The following LMO7 variants were observed in gnomAD, a reference collection of about 807,000 sequenced individuals.
LMO7 encodes LIM domain 7.
Under a neutral mutation model 206.5 loss-of-function variants are expected in LMO7, and 120 were observed. The ratio of observed to expected loss-of-function variants is 0.58; its 90% confidence interval spans 0.50 to 0.68. LMO7 has a LOEUF of 0.68. Among genes scored for constraint, LMO7 ranks in the 30% least tolerant of loss-of-function variants. The pLI, the probability that LMO7 is intolerant of heterozygous loss-of-function variation, is 0.00. For missense variants in LMO7, 1,959 were observed against 1,957.9 expected (o/e 1.00, Z -0.01); for synonymous variants, 706 against 681.5 (o/e 1.04, Z -0.56).
intron 1 of LMO7, among the ~76,000 whole-genome samples, chr13:75,657,586 A>C (rs1336047325): frequency 6.6e-6 from 1 of 152,186 alleles, no homozygotes; most frequent in African/African-American, 2.4e-5. Context: ...ATATGAACCC[A>C]CCCAGTGAAT....
chr13:75,769,289 G>T (rs549047303), intron 4 of LMO7, among the ~76,000 whole-genome samples: 1 of 152,024 alleles, frequency 6.6e-6, no homozygotes, highest in East Asian at 1.9e-4. Context: ...GGGTGGCATT[G>T]GTTGTTGGTG....
In LMO7 at chr13:75,804,739, T is replaced by C. The variant is rs1299542538; in HGVS notation, c.914+198T>C. 1.5e-5 allele frequency: 15 copies of C among 1,021,254 alleles called. No homozygotes were observed. In the South Asian group the frequency reaches 1.6e-4, roughly 11 times the overall value. The allele number at this position is 1,021,254 out of a possible 1,614,324, so 63.3% of individuals were successfully genotyped here. On this transcript the variant is annotated intron_variant, in intron 8 of 30. Transcript: ENST00000377534. ...TCTTCTGTTTTAGAATGTCAGCATA[T>C]GATTTGCTAGGTCTTTTTTTAGATG...
chr13:75,751,149 C>CTTTTTTT lies in LMO7; in HGVS notation c.211-9760_211-9754dup, dbSNP rs57976279. 1.1e-3 allele frequency among the ~76,000 whole-genome samples: 64 copies of CTTTTTTT among 60,424 alleles called. 5 individuals carry two copies. The highest frequency in any genetic ancestry group is 1.2e-3 in the African/African-American group (18 of 14,848). The allele number at this position is 60,424 out of a possible 152,430, so 39.6% of individuals were successfully genotyped here. Reference sequence around the variant, plus strand: ...CATGTACTCAGCTCTTTTTTCAGCTCTTTTTTTTTTTTTTTTTTTTTTTTT... The same window carrying CTTTTTTT: ...CATGTACTCAGCTCTTTTTTCAGCTCTTTTTTTTTTTTTTTTTTTTTTTTTTTTTTTT... On this transcript the variant is annotated intron_variant, in intron 3 of 30. Transcript: ENST00000377534.
At chr13:75,629,117 C>T (rs2034585448) in intron 2 of LMO7, among the ~76,000 whole-genome samples, 1 of 152,172 alleles carries the variant, frequency 6.6e-6, no homozygotes, top group Non-Finnish European at 1.5e-5. Flanking sequence ...ATGCACAGGA[C>T]AATCCTCCTA....
chr13:75,732,075 A>C (rs1296200327), intron 3 of LMO7, among the ~76,000 whole-genome samples: 3 of 150,840 alleles, frequency 2.0e-5, no homozygotes, highest in Non-Finnish European at 4.4e-5. Flanking sequence ...CTTCATTTCA[A>C]CTTTAGTGAA....
intron 4 of LMO7, among the ~76,000 whole-genome samples, chr13:75,782,162 C>T (rs1200400719): frequency 1.3e-5 from 2 of 152,038 alleles, no homozygotes; most frequent in African/African-American, 4.8e-5. Flanking sequence ...TTGTCTTAAA[C>T]TAATTAGAAT....
At chr13:75,654,519 G>C (rs1285058403) in intron 1 of LMO7, among the ~76,000 whole-genome samples, 2 of 152,176 alleles carry the variant, frequency 1.3e-5, no homozygotes. Context: ...CAGGAAGGGA[G>C]GTTATTGGAT....
chr13:75,718,383 G>A (rs74324377), intron 2 of LMO7, among the ~76,000 whole-genome samples: 268 of 152,332 alleles, frequency 1.8e-3, no homozygotes, highest in African/African-American at 6.1e-3. Context: ...CTGAGGGATC[G>A]AGAGGAATTT....
intron 2 of LMO7, among the ~76,000 whole-genome samples, chr13:75,717,607 T>C (rs1228829280): frequency 6.6e-6 from 1 of 152,120 alleles, no homozygotes; most frequent in Non-Finnish European, 1.5e-5. Flanking sequence ...TTTTTACAAA[T>C]ACTACTGTTT....
intron 2 of LMO7, among the ~76,000 whole-genome samples, chr13:75,714,349 T>C (rs1363358957): frequency 6.6e-6 from 1 of 152,166 alleles, no homozygotes; most frequent in Admixed American, 6.5e-5. Context: ...AATATATATT[T>C]TAAGGTTTTT....
chr13:75,754,231 G>C (rs528582707), intron 3 of LMO7, among the ~76,000 whole-genome samples: 1 of 152,154 alleles, frequency 6.6e-6, no homozygotes, highest in East Asian at 1.9e-4. Context: ...CCTGCATTTC[G>C]TCTCTGGATT....
intron 2 of LMO7, among the ~76,000 whole-genome samples, chr13:75,715,431 CTAATAT>C (rs1326470041): frequency 4.6e-5 from 7 of 152,146 alleles, no homozygotes; most frequent in African/African-American, 1.7e-4. Context: ...AAAGCTAATT[CTAATAT>C]TGTTTTCTAA....
chr13:75,669,510 T>C (rs1328541418), intron 1 of LMO7, among the ~76,000 whole-genome samples: 1 of 152,124 alleles, frequency 6.6e-6, no homozygotes, highest in Non-Finnish European at 1.5e-5. Flanking sequence ...TATGAGAGTA[T>C]AGAATTCTCT....
At chr13:75,760,714 C>T (rs71434806) in intron 3 of LMO7, 55,456 of 1,532,520 alleles carry the variant, frequency 0.036, 1,237 homozygotes, top group Non-Finnish European at 0.043. Context: ...AGTGTATGCC[C>T]GGGCATAAGA....
At chr13:75,796,610 T>C in intron 5 of LMO7, 26 bp from the exon 6 acceptor site, 1 of 1,415,370 alleles carries the variant, frequency 7.1e-7, no homozygotes, top group Non-Finnish European at 9.9e-7. Flanking sequence ...CTGATCTTGT[T>C]GTTCATGGAT....
intron 16 of LMO7, 37 bp downstream of exon 16, chr13:75,833,202 C>T: frequency 8.8e-7 from 1 of 1,134,128 alleles, no homozygotes; most frequent in Non-Finnish European, 1.3e-6. Flanking sequence ...ATTTTCTTCT[C>T]CTTTTCTATC....
intron 1 of LMO7, among the ~76,000 whole-genome samples, chr13:75,712,747 A>G (rs1352340118): frequency 6.6e-6 from 1 of 152,188 alleles, no homozygotes; most frequent in East Asian, 1.9e-4. Flanking sequence ...ATGAAATTTG[A>G]GGAATATAAA....
intron 1 of LMO7, among the ~76,000 whole-genome samples, chr13:75,703,154 C>T (rs975071689): frequency 6.6e-6 from 1 of 152,106 alleles, no homozygotes; most frequent in Admixed American, 6.6e-5. Flanking sequence ...CTCCCTCATC[C>T]CCCCCAACAC....
At chr13:75,807,360 A>T in intron 9 of LMO7, 120 bp from the exon 10 acceptor site, 1 of 1,009,756 alleles carries the variant, frequency 9.9e-7, no homozygotes, top group Non-Finnish European at 1.4e-6. Context: ...CTCTAAAATG[A>T]TTTACCCTCA....
Sources: allele counts gnomAD v4.1 joint callset (sites outside exome capture counted in the v4.1 genomes callset), GRCh38; gene constraint gnomAD v4.1.1; transcripts MANE v1.5; gene names NCBI Gene and HGNC (gene_info 2026-07-23, HGNC 2026-07-21).